CTBP2: variants seen among roughly 807,000 people sequenced by gnomAD.
The protein encoded by CTBP2 is C-terminal binding protein 2.
CTBP2 carries 30 observed loss-of-function variants against 80.3 expected under a neutral mutation model. The observed-to-expected ratio is 0.37, with a 90% CI of 0.28 to 0.51. The LOEUF is 0.51. CTBP2 is among the 20% of genes least tolerant of loss of function. The pLI is 0.93. For synonymous variants in CTBP2, 594 were observed against 587.4 expected (o/e 1.01, Z -0.16); for missense variants, 1,212 against 1,375.3 (o/e 0.88, Z 1.88).
At chr10:125,119,526 T>G (rs948475441) in intron 1 of CTBP2, among the ~76,000 whole-genome samples, 1 of 152,202 alleles carries the variant, frequency 6.6e-6, no homozygotes, top group Admixed American at 6.5e-5. Flanking sequence ...CTAAAAGTAT[T>G]TCAAAATACT....
In CTBP2 at chr10:125,081,603, G is replaced by C. The variant is rs1389223904; in HGVS notation, c.-102+29387C>G. On this transcript the variant is annotated intron_variant, in intron 2 of 10. Transcript: ENST00000337195. The stretch of plus-strand genomic sequence containing the variant: ...GGAGAGGCTAGGTAAAGGGTAATTA[G>C]AAATTCTTTGTTCCATTCTTACAAC... Among the ~76,000 whole-genome samples, 3 of 151,990 alleles carry C rather than the reference G, an allele frequency of 2.0e-5. No homozygotes were observed. The East Asian group carries it at 5.8e-4, about 30-fold the overall frequency.
intron 2 of CTBP2, among the ~76,000 whole-genome samples, chr10:125,045,661 T>C (rs1262934797): frequency 6.6e-6 from 1 of 152,084 alleles, no homozygotes; most frequent in Non-Finnish European, 1.5e-5. Context: ...CAGCAAATTT[T>C]TGTATTTTTA....
intron 2 of CTBP2, among the ~76,000 whole-genome samples, chr10:125,058,692 C>T (rs1443068661): frequency 1.3e-5 from 2 of 151,868 alleles, no homozygotes; most frequent in Admixed American, 6.6e-5. Flanking sequence ...GCCGGGAGTT[C>T]GAGACTAGCC....
chr10:125,081,861 G>C (rs893518084), intron 2 of CTBP2, among the ~76,000 whole-genome samples: 2 of 151,848 alleles, frequency 1.3e-5, no homozygotes, highest in African/African-American at 2.4e-5. Flanking sequence ...AGGCGGGTCA[G>C]GCAGGGCAAG....
chr10:125,104,521 C>A lies in CTBP2; in HGVS notation c.-102+6469G>T, dbSNP rs147454980. Among the ~76,000 whole-genome samples the A allele has an allele frequency of 5.4e-3, 816 of 152,280 alleles. 6 individuals carry two copies. Among genetic ancestry groups the A allele is most frequent in the African/African-American group, 0.018 (750 of 41,538 alleles). On this transcript the variant is annotated intron_variant, in intron 2 of 10. Coordinates refer to the CTBP2 transcript ENST00000337195. Reference sequence around the variant, plus strand: ...TGAAATATGTATAAATGTCACTGTTCGGGCTGCTTCTCAGGATAAGTGCAG... The same window carrying A: ...TGAAATATGTATAAATGTCACTGTTAGGGCTGCTTCTCAGGATAAGTGCAG...
At chr10:125,157,069 G>A (rs150752963) in intron 1 of CTBP2, among the ~76,000 whole-genome samples, 54 of 152,316 alleles carry the variant, frequency 3.5e-4, no homozygotes, top group African/African-American at 1.3e-3. Flanking sequence ...TGGCAGTAGT[G>A]TTTGTTTTTA....
chr10:125,032,068 A>G (rs573557453), upstream of CTBP2, among the ~76,000 whole-genome samples: 143 of 152,174 alleles, frequency 9.4e-4, no homozygotes, highest in African/African-American at 3.2e-3. Context: ...AAAAAAAACA[A>G]GCCCATTCTC....
At chr10:125,036,512 A>C (rs1958882235) in intron 3 of CTBP2, among the ~76,000 whole-genome samples, 1 of 152,124 alleles carries the variant, frequency 6.6e-6, no homozygotes, top group Non-Finnish European at 1.5e-5. Context: ...AGAAAGAAAA[A>C]AAAAACAAAC....
chr10:125,123,221 C>T (rs1381089718), intron 1 of CTBP2, among the ~76,000 whole-genome samples: 2 of 143,048 alleles, frequency 1.4e-5, no homozygotes, highest in Non-Finnish European at 3.1e-5. Flanking sequence ...TATAAAAGGG[C>T]AACGGGGGGA....
At chr10:125,031,240 G>A (rs1022571549), upstream of CTBP2, among the ~76,000 whole-genome samples, 1 of 152,154 alleles carries the variant, frequency 6.6e-6, no homozygotes, top group Non-Finnish European at 1.5e-5. Context: ...TGTAATCCCA[G>A]CACTTTGGGA....
intron 2 of CTBP2, among the ~76,000 whole-genome samples, chr10:125,051,673 A>C (rs939973051): frequency 6.7e-6 from 1 of 148,562 alleles, no homozygotes; most frequent in Non-Finnish European, 1.5e-5. Flanking sequence ...AAAAAAAAAA[A>C]GAAACCTTTT....
chr10:125,095,025 C>T (rs1015231680), intron 2 of CTBP2, among the ~76,000 whole-genome samples: 5 of 152,054 alleles, frequency 3.3e-5, no homozygotes, highest in African/African-American at 7.2e-5. Flanking sequence ...CGCTGTCCTG[C>T]GGATGCTGAT....
rs574729094 is a variant in CTBP2, at chr10:125,026,599, G to A, written c.1161C>T (p.Gly387=). ...ATGCTGTCTGCAGAGGAGCCGCAGC[G>A]CCCAGAGAAGCCAAGTCACCATGGA... The change falls in exon 1 of 9, where the codon GGC becomes GGT. Residue 387 remains glycine, a synonymous_variant. Transcript: ENST00000309035. The A allele has an allele frequency of 1.1e-5, 14 of 1,306,794 alleles. 1 individual carries two copies. Among genetic ancestry groups the A allele is most frequent in the South Asian group, 6.2e-5 (5 of 80,742 alleles). The allele number at this position is 1,306,794 out of a possible 1,614,324, so 80.9% of individuals were successfully genotyped here.
chr10:125,062,929 T>C (rs1232659746), intron 2 of CTBP2, among the ~76,000 whole-genome samples: 1 of 152,226 alleles, frequency 6.6e-6, no homozygotes, highest in African/African-American at 2.4e-5. Context: ...GTGCACCCGT[T>C]TTCCTAATGG....
At chr10:125,033,247 C>T (rs1450231251) in intron 3 of CTBP2, among the ~76,000 whole-genome samples, 1 of 152,186 alleles carries the variant, frequency 6.6e-6, no homozygotes, top group African/African-American at 2.4e-5. Context: ...AGAATGCTCT[C>T]CCCTCTCGGC....
At chr10:125,001,948 T>C (rs1227716155) in intron 3 of CTBP2, among the ~76,000 whole-genome samples, 1 of 149,378 alleles carries the variant, frequency 6.7e-6, no homozygotes, top group African/African-American at 2.5e-5. Flanking sequence ...GATTCTCAGA[T>C]GTATGTAACA....
chr10:125,105,131 G>A (rs867753308), intron 2 of CTBP2, among the ~76,000 whole-genome samples: 15 of 151,978 alleles, frequency 9.9e-5, no homozygotes, highest in African/African-American at 3.4e-4. Flanking sequence ...ATAGGCAGGC[G>A]CCGCCACCTG....
At position 124,997,980 on chromosome 10, in the gene CTBP2, C is replaced by T. The variant is rs201793764; in HGVS notation, c.2169G>A (p.Leu723=). Residue 723 remains leucine, a synonymous_variant, in exon 4 of 9, where the codon CTG becomes CTA. Coordinates refer to ENST00000309035, the MANE Select transcript of CTBP2 (RefSeq NM_022802.3). Reference sequence around the variant, plus strand: ...GGCACGTACCAAAGCCAATGAGGCCCAGCGTCTCCCCACGGATGCGGGCCG... The same window carrying T: ...GGCACGTACCAAAGCCAATGAGGCCTAGCGTCTCCCCACGGATGCGGGCCG... 2 of 1,612,456 alleles carry T rather than the reference C, an allele frequency of 1.2e-6. No individual in the cohort carries two copies. The highest frequency in any genetic ancestry group is 1.3e-5 in the African/African-American group (1 of 75,058).
chr10:125,080,286 T>TAA (rs199925911), intron 2 of CTBP2, among the ~76,000 whole-genome samples: 1 of 147,272 alleles, frequency 6.8e-6, no homozygotes, highest in African/African-American at 2.5e-5. Flanking sequence ...GGATTAGGGG[T>TAA]AAAAAAAAAA....
Sources: allele counts gnomAD v4.1 joint callset (sites outside exome capture counted in the v4.1 genomes callset), GRCh38; gene constraint gnomAD v4.1.1; transcripts MANE v1.5; gene names NCBI Gene and HGNC (gene_info 2026-07-23, HGNC 2026-07-21).